Variants in DACH1 observed in about 807,000 individuals in gnomAD.
DACH1 encodes the protein dachshund homolog 1.
DACH1 carries 12 observed loss-of-function variants against 54.2 expected under a neutral mutation model. The ratio of observed to expected loss-of-function variants is 0.22; its 90% CI spans 0.14 to 0.36. The LOEUF (loss-of-function observed/expected upper bound fraction) is 0.36. Ranked by LOEUF, DACH1 falls within the 10% of genes least tolerant of loss-of-function variation. The pLI is 1.00. For missense variants in DACH1, 805 were observed against 929.8 expected, an observed-to-expected ratio of 0.87 and a Z score of 1.75; for synonymous variants, 386 against 366.2, an observed-to-expected ratio of 1.05 and a Z score of -0.62.
intron 1 of DACH1, among the ~76,000 whole-genome samples, chr13:71,838,740 C>G (rs1888898755): frequency 6.6e-6 from 1 of 152,132 alleles, no homozygotes; most frequent in Non-Finnish European, 1.5e-5. Flanking sequence ...TCCTAATTGT[C>G]TGTGTTTATT....
intron 1 of DACH1, among the ~76,000 whole-genome samples, chr13:71,737,578 GA>G (rs1172145694): frequency 6.6e-6 from 1 of 152,188 alleles, no homozygotes; most frequent in Non-Finnish European, 1.5e-5. Flanking sequence ...TAAAAAGTTA[GA>G]TTGACTTATT....
chr13:71,595,537 T>C (rs1264420999), intron 3 of DACH1, among the ~76,000 whole-genome samples: 1 of 152,064 alleles, frequency 6.6e-6, no homozygotes, highest in East Asian at 1.9e-4. Context: ...ATGTTAGATG[T>C]ATAACAGAGG....
chr13:71,603,295 G>A (rs1440968878), intron 3 of DACH1, among the ~76,000 whole-genome samples: 2 of 151,962 alleles, frequency 1.3e-5, no homozygotes, highest in African/African-American at 4.8e-5. Flanking sequence ...TGCTTCTCAT[G>A]CTGTGTACAG....
At chr13:71,860,432 C>T (rs1200119865) in intron 1 of DACH1, among the ~76,000 whole-genome samples, 2 of 146,882 alleles carry the variant, frequency 1.4e-5, no homozygotes, top group Non-Finnish European at 3.0e-5. Flanking sequence ...TCCTGTTATT[C>T]TAAAGATATA....
chr13:71,506,128 C>G (rs924477005), intron 6 of DACH1, among the ~76,000 whole-genome samples: 17 of 151,330 alleles, frequency 1.1e-4, no homozygotes, highest in Non-Finnish European at 1.0e-4. Context: ...ACATAAAGCT[C>G]TTAAGATTCT....
chr13:71,811,692 T>C (rs1441570409), intron 1 of DACH1, among the ~76,000 whole-genome samples: 1 of 152,184 alleles, frequency 6.6e-6, no homozygotes, highest in Non-Finnish European at 1.5e-5. Context: ...TCACCTGCCA[T>C]GTTGGTGCAG....
rs57078245 is a variant in DACH1 at position 71,674,440 on chromosome 13, T to TACAC, written c.964+7351_964+7354dup. 7.5e-3 allele frequency among the ~76,000 whole-genome samples: 1,065 copies of TACAC among 141,116 alleles called. 6 individuals are homozygous for TACAC. Among genetic ancestry groups the TACAC allele is most frequent in the East Asian group, 0.045 (215 of 4,738 alleles). 92.6% of individuals were successfully genotyped at this position (141,116 alleles called of 152,430 possible). On this transcript the variant is annotated intron_variant, in intron 2 of 10. Transcript: ENST00000613252. ...TTAAAAGAGAGTCAGAGGGAGATTT[T>TACAC]ACACACACACACACACACACACACA... is the stretch of plus-strand genomic sequence containing the variant.
chr13:71,651,127 G>T (rs1197707663), intron 2 of DACH1, among the ~76,000 whole-genome samples: 2 of 152,072 alleles, frequency 1.3e-5, no homozygotes, highest in African/African-American at 4.8e-5. Flanking sequence ...TAGCACAGAA[G>T]AAAAATGCAA....
intron 4 of DACH1, among the ~76,000 whole-genome samples, chr13:71,571,048 C>T (rs913957376): frequency 1.3e-5 from 2 of 152,132 alleles, no homozygotes; most frequent in African/African-American, 4.8e-5. Flanking sequence ...ATAATTTAGA[C>T]ACCCATTATG....
In DACH1 at chr13:71,799,829, T is replaced by A. The variant is rs540211039; in HGVS notation, c.848+66093A>T. 3.3e-5 allele frequency among the ~76,000 whole-genome samples: 5 copies of A among 152,258 alleles called. No individual in the cohort carries two copies. The South Asian group carries it at 1.0e-3, about 32-fold the overall frequency. ...TCTGAGTTACAAATGCAGTAGGCAT[T>A]ATGACTACTGGCAATGAGGAATCAT... is the stretch of plus-strand genomic sequence containing the variant. On this transcript the variant is annotated intron_variant, in intron 1 of 10. Transcript: ENST00000613252.
At chr13:71,482,618 A>C (rs1878132645) in intron 7 of DACH1, among the ~76,000 whole-genome samples, 1 of 152,116 alleles carries the variant, frequency 6.6e-6, no homozygotes, top group African/African-American at 2.4e-5. Flanking sequence ...AAAATCCCAA[A>C]TACTGAGTTG....
chr13:71,700,886 T>A (rs1194126140), intron 1 of DACH1, among the ~76,000 whole-genome samples: 1 of 152,218 alleles, frequency 6.6e-6, no homozygotes, highest in Non-Finnish European at 1.5e-5. Flanking sequence ...AAGTTCAAAG[T>A]AAATTAGCCT....
intron 1 of DACH1, among the ~76,000 whole-genome samples, chr13:71,688,120 A>C (rs532558743): frequency 6.6e-6 from 1 of 152,358 alleles, no homozygotes; most frequent in South Asian, 2.1e-4. Flanking sequence ...GATTATAAAC[A>C]AAAATATTAT....
At chr13:71,634,496 G>A (rs1877329232) in intron 2 of DACH1, among the ~76,000 whole-genome samples, 1 of 152,016 alleles carries the variant, frequency 6.6e-6, no homozygotes, top group Non-Finnish European at 1.5e-5. Flanking sequence ...TGCATATTCT[G>A]TTCTCACTTT....
At chr13:71,627,842 G>T (rs1876773451) in intron 3 of DACH1, among the ~76,000 whole-genome samples, 1 of 152,002 alleles carries the variant, frequency 6.6e-6, no homozygotes, top group Non-Finnish European at 1.5e-5. Context: ...GCAAGTAATA[G>T]CTACCAGAGA....
intron 10 of DACH1, among the ~76,000 whole-genome samples, chr13:71,460,913 CAG>C (rs1230223870): frequency 2.0e-5 from 3 of 151,972 alleles, no homozygotes; most frequent in Non-Finnish European, 4.4e-5. Context: ...AAAGGATAAA[CAG>C]TAAACCTGTG....
chr13:71,863,493 C>T (rs1874489983), intron 1 of DACH1, among the ~76,000 whole-genome samples: 1 of 152,044 alleles, frequency 6.6e-6, no homozygotes, highest in Admixed American at 6.6e-5. Flanking sequence ...ATTATTAAGG[C>T]CAGGTGACTG....
intron 6 of DACH1, among the ~76,000 whole-genome samples, chr13:71,556,129 C>G (rs757811696): frequency 6.6e-6 from 1 of 152,082 alleles, no homozygotes; most frequent in Non-Finnish European, 1.5e-5. Context: ...TCTCCCTCCA[C>G]GCATTTATTC....
chr13:71,596,838 T>C (rs1394277420), intron 3 of DACH1, among the ~76,000 whole-genome samples: 1 of 152,156 alleles, frequency 6.6e-6, no homozygotes, highest in Admixed American at 6.6e-5. Context: ...ATAAATCCTA[T>C]ATTCAAAATT....
Sources: gnomAD v4.1 joint callset for allele counts (sites outside exome capture counted in the v4.1 genomes callset) on GRCh38, gnomAD v4.1.1 for gene constraint, MANE v1.5 for transcripts, NCBI Gene and HGNC (gene_info 2026-07-23, HGNC 2026-07-21) for gene names.